The following ERP44 variants were observed in gnomAD, a reference collection of about 807,000 sequenced individuals.
ERP44 encodes endoplasmic reticulum protein 44, also known as endoplasmic reticulum resident protein 44.
In ERP44, 25 loss-of-function variants were observed where a neutral mutation model predicts 53.4. The observed-to-expected ratio is 0.47, with a 90% CI of 0.34 to 0.65. The LOEUF is 0.65. Among genes scored for constraint, ERP44 ranks in the 30% least tolerant of loss-of-function variants. ERP44 has a pLI of 0.01. For synonymous variants in ERP44, 145 were observed against 161.2 expected (o/e 0.90, Z 0.76); for missense variants, 338 against 493.2 (o/e 0.69, Z 2.98).
intron 1 of ERP44, among the ~76,000 whole-genome samples, chr9:100,060,850 G>A (rs955797121): frequency 2.6e-5 from 4 of 152,174 alleles, no homozygotes; most frequent in African/African-American, 9.7e-5. Flanking sequence ...GTAAAATTTA[G>A]TGTATTTTAT....
chr9:100,020,664 C>T lies in ERP44; in HGVS notation c.539G>A (p.Arg180Gln), dbSNP rs371595032. The change falls in exon 6 of 12, where the codon CGA becomes CAA. Residue 180 changes from arginine (R) to glutamine (Q), a missense_variant. Around this residue, in one of 3 missense-constraint regions of ERP44, gnomAD observed 224 missense variants for 301.4 expected, o/e 0.74. Coordinates refer to ENST00000262455, the MANE Select transcript of ERP44 (RefSeq NM_015051.3). ...GTCATCATGCAAAATATTCGCTACT[C>T]GTTCAAAAACTCTATAGTTGTCCGA... ...KDSDNYRVFE[R>Q]VANILHDDCA... The T allele has an allele frequency of 1.4e-5, 23 of 1,610,780 alleles. No homozygotes were observed. Among genetic ancestry groups the T allele is most frequent in the East Asian group, 2.2e-5 (1 of 44,798 alleles).
chr9:100,010,850 G>A (rs990390969), intron 8 of ERP44, among the ~76,000 whole-genome samples: 2 of 146,624 alleles, frequency 1.4e-5, no homozygotes, highest in Non-Finnish European at 3.0e-5. Context: ...ACAGTGAGCC[G>A]AGATCGCACC....
chr9:100,074,229 G>T (rs1396947350), intron 1 of ERP44, among the ~76,000 whole-genome samples: 1 of 152,142 alleles, frequency 6.6e-6, no homozygotes, highest in Non-Finnish European at 1.5e-5. Flanking sequence ...CAAGGCTACA[G>T]ACCAGTACTA....
intron 10 of ERP44, among the ~76,000 whole-genome samples, chr9:99,997,261 C>T (rs866261529): frequency 9.2e-5 from 14 of 152,290 alleles, no homozygotes; most frequent in Middle Eastern, 3.4e-3. Context: ...TACATTCCCA[C>T]CAGCAGTGTT....
intron 1 of ERP44, 76 bp downstream of exon 1, chr9:100,098,708 G>T: frequency 8.4e-7 from 1 of 1,188,488 alleles, no homozygotes; most frequent in Non-Finnish European, 1.3e-6. Context: ...AGGGGCAGGA[G>T]TAGCAGTGTT....
intron 1 of ERP44, among the ~76,000 whole-genome samples, chr9:100,089,268 G>C (rs1826521534): frequency 1.3e-5 from 2 of 152,120 alleles, no homozygotes; most frequent in South Asian, 2.1e-4. Flanking sequence ...CAAGAGTAGT[G>C]ATGCTGGCAA....
chr9:100,026,553 T>C (rs1360702864), intron 4 of ERP44, among the ~76,000 whole-genome samples: 1 of 152,236 alleles, frequency 6.6e-6, no homozygotes, highest in Non-Finnish European at 1.5e-5. Context: ...ATTACATATG[T>C]TCAGTTGTAA....
At chr9:99,983,231 G>C (rs1733369322) in intron 11 of ERP44, among the ~76,000 whole-genome samples, 1 of 152,128 alleles carries the variant, frequency 6.6e-6, no homozygotes, top group South Asian at 2.1e-4. Context: ...TGTGTACCAA[G>C]AGCAGACAAA....
chr9:100,060,824 T>C (rs1331113605), intron 1 of ERP44, among the ~76,000 whole-genome samples: 2 of 152,224 alleles, frequency 1.3e-5, no homozygotes, highest in Non-Finnish European at 2.9e-5. Context: ...TAGCAAATGT[T>C]TACTTATTTT....
chr9:99,998,988 A>G, intron 10 of ERP44: 1 of 1,310,490 alleles, frequency 7.6e-7, no homozygotes, highest in Middle Eastern at 2.5e-4. Flanking sequence ...GGTCGGCGGC[A>G]AAGAACTGGA....
intron 1 of ERP44, among the ~76,000 whole-genome samples, chr9:100,080,958 T>A (rs1209052074): frequency 6.6e-6 from 1 of 152,028 alleles, no homozygotes; most frequent in African/African-American, 2.4e-5. Context: ...GCTTCCTATA[T>A]ATGAAAAGAA....
chr9:100,027,200 T>C (rs1411510719), intron 4 of ERP44, among the ~76,000 whole-genome samples: 3 of 152,208 alleles, frequency 2.0e-5, no homozygotes, highest in Non-Finnish European at 4.4e-5. Context: ...ACTGTAATAG[T>C]TGTGGCAAAA....
rs1830595507 is a variant in ERP44, at chr9:100,022,036, A to G, written c.471+6T>C. ...TTTGTTTAATCTAGCAAAAGTTACAACTTACATCAAGAGTGGTGATTTCTG... is the reference window on the plus strand; with the variant it reads ...TTTGTTTAATCTAGCAAAAGTTACAGCTTACATCAAGAGTGGTGATTTCTG... On this transcript the variant is annotated splice_donor_region_variant and intron_variant, in intron 5 of 11. Coordinates refer to ENST00000262455, the MANE Select transcript of ERP44 (RefSeq NM_015051.3). The G allele has an allele frequency of 6.2e-7, 1 of 1,606,436 alleles. No homozygotes were observed. The highest frequency in any genetic ancestry group is 1.3e-5 in the African/African-American group (1 of 74,502).
intron 10 of ERP44, among the ~76,000 whole-genome samples, chr9:99,988,664 T>C (rs1587953832): frequency 6.6e-6 from 1 of 152,188 alleles, no homozygotes; most frequent in African/African-American, 2.4e-5. Flanking sequence ...ACCTGGTTCA[T>C]CTCACTGGGA....
intron 11 of ERP44, among the ~76,000 whole-genome samples, chr9:99,983,914 A>C (rs569699941): frequency 6.6e-6 from 1 of 152,218 alleles, no homozygotes; most frequent in African/African-American, 2.4e-5. Context: ...ATGTAAGTTC[A>C]CTGTCTAATG....
chr9:100,063,025 G>A (rs1373279131), intron 1 of ERP44, among the ~76,000 whole-genome samples: 1 of 130,336 alleles, frequency 7.7e-6, no homozygotes, highest in Non-Finnish European at 1.5e-5. Context: ...AGTGAGCTAT[G>A]ATTGTGCCAC....
At chr9:100,041,178 G>A (rs1434352240) in intron 4 of ERP44, among the ~76,000 whole-genome samples, 5 of 151,982 alleles carry the variant, frequency 3.3e-5, no homozygotes, top group African/African-American at 7.2e-5. Flanking sequence ...CACAAAAGAC[G>A]CAGAATAGCC....
At chr9:100,079,308 T>C (rs1465946699) in intron 1 of ERP44, among the ~76,000 whole-genome samples, 1 of 152,082 alleles carries the variant, frequency 6.6e-6, no homozygotes, top group East Asian at 1.9e-4. Flanking sequence ...TCCAAGTACT[T>C]CAGCTTTCGC....
intron 1 of ERP44, among the ~76,000 whole-genome samples, chr9:100,078,687 G>A (rs1267437439): frequency 1.8e-4 from 27 of 151,924 alleles, no homozygotes; most frequent in Non-Finnish European, 2.8e-4. Context: ...CCCAGGAAGC[G>A]GAGGCTGCAG....
Sources: allele counts gnomAD v4.1 joint callset (sites outside exome capture counted in the v4.1 genomes callset), GRCh38; gene constraint gnomAD v4.1.1; regional missense constraint gnomAD v4.1.1; transcripts MANE v1.5; gene names NCBI Gene and HGNC (gene_info 2026-07-23, HGNC 2026-07-21).